The following GRIP2 variants were observed in gnomAD, a reference collection of about 807,000 sequenced individuals.
GRIP2 encodes the protein glutamate receptor-interacting protein 2.
GRIP2 carries 58 observed loss-of-function variants against 108.3 expected under a neutral mutation model. The observed-to-expected ratio is 0.54, with a 90% confidence interval of 0.43 to 0.67. The LOEUF (loss-of-function observed/expected upper bound fraction) is 0.67, where lower values mean the gene tolerates loss of function less well. GRIP2 is among the 30% of genes least tolerant of loss of function. The pLI is 0.00. For missense variants in GRIP2, 1,278 were observed against 1,430.6 expected (o/e 0.89, Z 1.72); for synonymous variants, 586 against 598.2 (o/e 0.98, Z 0.30).
At chr3:14,545,413 G>A (rs1264443759), upstream of GRIP2, among the ~76,000 whole-genome samples, 1 of 152,222 alleles carries the variant, frequency 6.6e-6, no homozygotes, top group African/African-American at 2.4e-5. Flanking sequence ...GCCCAGGCAT[G>A]TGAACACAGA....
chr3:14,543,454 G>A (rs960992489), upstream of GRIP2, among the ~76,000 whole-genome samples: 1 of 152,268 alleles, frequency 6.6e-6, no homozygotes, highest in African/African-American at 2.4e-5. Flanking sequence ...AGTGCAGGCT[G>A]ACAGTAGGTG....
chr3:14,574,717 T>A, the GRIP2 span: 1 of 553,812 alleles, frequency 1.8e-6, no homozygotes, highest in Admixed American at 2.3e-5. Context: ...CAGCGCAAGG[T>A]GCCATCCCTA....
At chr3:14,573,260 T>A in the GRIP2 span, 1 of 1,402,196 alleles carries the variant, frequency 7.1e-7, no homozygotes, top group East Asian at 2.3e-5. Flanking sequence ...GGGAGCCAGC[T>A]GGAACCACCT....
At chr3:14,584,282 T>A in the GRIP2 span, among the ~76,000 whole-genome samples, 1 of 152,078 alleles carries the variant, frequency 6.6e-6, no homozygotes, top group East Asian at 1.9e-4. Flanking sequence ...CCTTCTCTAT[T>A]GAAAGGGAAA....
chr3:14,513,642 G>A, intron 13 of GRIP2, 23 bp downstream of exon 13: 1 of 1,590,178 alleles, frequency 6.3e-7, no homozygotes, highest in Non-Finnish European at 8.6e-7. Flanking sequence ...AATATGAGGA[G>A]GAAGCTTGGG....
chr3:14,497,398 G>A (rs916611539), intron 21 of GRIP2, among the ~76,000 whole-genome samples: 2 of 152,152 alleles, frequency 1.3e-5, no homozygotes, highest in East Asian at 1.9e-4. Context: ...GGTGGCCCTC[G>A]TCCTGTGAGG....
chr3:14,601,118 C>A, the GRIP2 span, among the ~76,000 whole-genome samples: 1 of 151,906 alleles, frequency 6.6e-6, no homozygotes, highest in East Asian at 1.9e-4. Context: ...CAGGGGGTGT[C>A]AAGAGCAAGA....
the GRIP2 span, among the ~76,000 whole-genome samples, chr3:14,566,007 G>A: frequency 6.6e-6 from 1 of 152,234 alleles, no homozygotes; most frequent in African/African-American, 2.4e-5. Flanking sequence ...ACAGCACAGA[G>A]GCTTCTAGCC....
At position 14,494,967 on chromosome 3, in the gene GRIP2, ATGGGGTCCTTG is replaced by A; in HGVS notation, c.2835_2845del (p.Lys946AlafsTer3). The A allele has an allele frequency of 6.2e-7, 1 of 1,613,884 alleles. No individual in the cohort carries two copies. On this transcript the variant is annotated frameshift_variant, in exon 23 of 24. Transcript: ENST00000621039. LOFTEE classifies it high-confidence loss of function. Reference sequence around the variant, plus strand: ...GACGCTGAAACCAAAGTCATGCCGCATGGGGTCCTTGTGCAGGGTCACCTGGAAGCAGAAGG... The same window carrying A: ...GACGCTGAAACCAAAGTCATGCCGCATGCAGGGTCACCTGGAAGCAGAAGG...
chr3:14,509,943 G>C lies in GRIP2; in HGVS notation c.1955C>G (p.Ala652Gly), dbSNP rs1429826617. 7.9e-6 allele frequency: 12 copies of C among 1,528,576 alleles called. No individual in the cohort carries two copies. The highest frequency in any genetic ancestry group is 1.1e-5 in the Non-Finnish European group (12 of 1,134,324). 94.7% of individuals were successfully genotyped at this position (1,528,576 alleles called of 1,614,324 possible). A position where few individuals can be genotyped will look rare whatever the true frequency, so the allele number is the denominator to read the frequency against. The change falls in exon 17 of 24, where the codon GCC (alanine) becomes GGC (glycine). Residue 652 changes from alanine to glycine, a missense_variant. Ala to Gly is a moderately conservative substitution (Grantham distance 60). Transcript: ENST00000621039. The stretch of plus-strand genomic sequence containing the variant: ...CTTCAGCTCCACTGTGTAACTGACG[G>C]CACCTGTGGTCTCCAGCTCATCTGC... ...DNSDELETTGAVSYTVELKRY... is the reference protein window; with the variant it reads ...DNSDELETTGGVSYTVELKRY...
chr3:14,534,062 C>T (rs986189149), intron 1 of GRIP2, among the ~76,000 whole-genome samples: 3 of 152,172 alleles, frequency 2.0e-5, no homozygotes, highest in African/African-American at 7.2e-5. Context: ...TCTGAGCACC[C>T]AAGACCCCCT....
At chr3:14,566,671 C>T in the GRIP2 span, among the ~76,000 whole-genome samples, 1 of 152,160 alleles carries the variant, frequency 6.6e-6, no homozygotes, top group South Asian at 2.1e-4. Flanking sequence ...CCAAGCAAGC[C>T]GTGACCTCCT....
intron 21 of GRIP2, among the ~76,000 whole-genome samples, chr3:14,498,727 C>T (rs1320662065): frequency 6.6e-6 from 1 of 152,138 alleles, no homozygotes; most frequent in Non-Finnish European, 1.5e-5. Context: ...TCAAGGACTT[C>T]CAGTTAAAAT....
chr3:14,541,967 T>G, upstream of GRIP2: 3 of 1,351,054 alleles, frequency 2.2e-6, no homozygotes, highest in Non-Finnish European at 3.0e-6. Context: ...TCTGGAGCAG[T>G]CTTAGCTTCA....
At chr3:14,586,569 A>G in the GRIP2 span, among the ~76,000 whole-genome samples, 1 of 152,170 alleles carries the variant, frequency 6.6e-6, no homozygotes, top group Non-Finnish European at 1.5e-5. Flanking sequence ...TCCCAGAGGA[A>G]GTGGGGAGGC....
chr3:14,586,128 G>A, the GRIP2 span, among the ~76,000 whole-genome samples: 1 of 152,090 alleles, frequency 6.6e-6, no homozygotes, highest in Non-Finnish European at 1.5e-5. Flanking sequence ...CCTCTACCTG[G>A]ACCACTTTTC....
At chr3:14,568,059 A>C in the GRIP2 span, among the ~76,000 whole-genome samples, 1 of 152,224 alleles carries the variant, frequency 6.6e-6, no homozygotes, top group African/African-American at 2.4e-5. Context: ...TGGACGGAGT[A>C]GCAGAAAGGA....
chr3:14,530,413 G>T (rs560177146), intron 1 of GRIP2, among the ~76,000 whole-genome samples: 11 of 149,250 alleles, frequency 7.4e-5, no homozygotes, highest in African/African-American at 2.7e-4. Context: ...TCCATTTTTT[G>T]AGTGGAAATG....
chr3:14,539,014 G>C (rs1428103874), intron 1 of GRIP2, among the ~76,000 whole-genome samples: 1 of 152,234 alleles, frequency 6.6e-6, no homozygotes, highest in Non-Finnish European at 1.5e-5. Flanking sequence ...TGGGTTGAAA[G>C]AACAGATGTG....
Sources: gnomAD v4.1 joint callset for allele counts (sites outside exome capture counted in the v4.1 genomes callset) on GRCh38, gnomAD v4.1.1 for gene constraint, MANE v1.5 for transcripts, NCBI Gene and HGNC (gene_info 2026-07-23, HGNC 2026-07-21) for gene names.